COL9A1: variants seen among roughly 807,000 people sequenced by gnomAD.
The protein encoded by COL9A1 is collagen alpha-1(IX) chain.
Under a neutral mutation model 142.6 loss-of-function variants are expected in COL9A1, and 104 were observed. The ratio of observed to expected loss-of-function variants is 0.73; its 90% CI spans 0.62 to 0.86. COL9A1 has a LOEUF of 0.86. Ranked by LOEUF, COL9A1 falls within the 40% of genes least tolerant of loss-of-function variation. The probability of loss-of-function intolerance (pLI) is 0.00; values close to 1 mark genes in which losing one functional copy is unlikely to be tolerated. For missense variants in COL9A1, 1,210 were observed against 1,176.6 expected, an observed-to-expected ratio of 1.03 and a Z score of -0.42; for synonymous variants, 466 against 396.0, an observed-to-expected ratio of 1.18 and a Z score of -2.10.
rs369705944 is a variant in COL9A1, at chr6:70,250,740, C to T, written c.1872+1380G>A. Among the ~76,000 whole-genome samples, 6 of 152,250 alleles carry T rather than the reference C, an allele frequency of 3.9e-5. No homozygotes were observed. The South Asian group carries it at 1.0e-3, about 26-fold the overall frequency. ...TCACTTGGAGTTCTTTTGGCTATTC[C>T]GCAGCCTTTGAAAATAAGAACTGAA... On this transcript the variant is annotated intron_variant, in intron 28 of 37. Transcript: ENST00000357250.
At position 70,251,439 on chromosome 6, in the gene COL9A1, C is replaced by T. The variant is rs59085329; in HGVS notation, c.1872+681G>A. Among the ~76,000 whole-genome samples the T allele has an allele frequency of 7.8e-3, 1,191 of 152,160 alleles. 53 individuals carry two copies. The highest frequency in any genetic ancestry group is 0.066 in the Admixed American group (1,004 of 15,282). ...ATGCACCCCTTCAGTCCCAGCCACT[C>T]GGGAGGCTTAGGCAGGAGGACTGCA... On this transcript the variant is annotated intron_variant, in intron 28 of 37. Coordinates refer to ENST00000357250, the MANE Select transcript of COL9A1 (RefSeq NM_001851.6).
intron 4 of COL9A1, 37 bp downstream of exon 4, chr6:70,300,006 G>A (rs992397172): frequency 1.3e-6 from 2 of 1,588,544 alleles, no homozygotes; most frequent in South Asian, 2.2e-5. Flanking sequence ...ATGCATTTGA[G>A]TCAGATAATT....
intron 26 of COL9A1, among the ~76,000 whole-genome samples, chr6:70,252,933 C>T (rs1468173947): frequency 2.0e-5 from 3 of 151,984 alleles, no homozygotes; most frequent in African/African-American, 7.3e-5. Context: ...ATATTTTATC[C>T]CTTAACATTT....
At chr6:70,274,577 A>C in intron 11 of COL9A1, 142 bp downstream of exon 11, 1 of 725,806 alleles carries the variant, frequency 1.4e-6, no homozygotes, top group Non-Finnish European at 2.5e-6. Context: ...ATTCCACATC[A>C]TGGTGTTTTT....
At chr6:70,253,233 G>C (rs771914108) in intron 26 of COL9A1, 152 bp downstream of exon 26, 4 of 563,722 alleles carry the variant, frequency 7.1e-6, no homozygotes, top group Non-Finnish European at 9.6e-6. Flanking sequence ...AAAAAGATTA[G>C]TATTTGAAGC....
At chr6:70,229,242 C>T (rs893038545) in intron 36 of COL9A1, among the ~76,000 whole-genome samples, 37 of 152,184 alleles carry the variant, frequency 2.4e-4, no homozygotes, top group African/African-American at 8.7e-4. Flanking sequence ...TTGGTTCTAT[C>T]GACAAGGTTA....
rs1771200063 is a variant in COL9A1 at position 70,255,191 on chromosome 6, C to A, written c.1570G>T (p.Ala524Ser). The A allele has an allele frequency of 1.9e-6, 3 of 1,614,204 alleles. No individual in the cohort carries two copies. Among genetic ancestry groups the A allele is most frequent in the Non-Finnish European group, 2.5e-6 (3 of 1,180,030 alleles). Residue 524 changes from alanine to serine, a missense_variant, in exon 23 of 38, where the codon GCT (alanine) becomes TCT (serine). Transcript: ENST00000357250. ...CCAGGGAGACCAGGAATTCCTCTAG[C>A]ACCTTCAGCCCCCTGCAGGGAGGAA... Reference protein sequence around the residue: ...GPKGDRGAEGARGIPGLPGPK... With the variant: ...GPKGDRGAEGSRGIPGLPGPK...
intron 35 of COL9A1, 71 bp from the exon 36 acceptor site, chr6:70,232,842 A>C: frequency 6.9e-7 from 1 of 1,451,316 alleles, no homozygotes; most frequent in Non-Finnish European, 9.5e-7. Context: ...AAAGAGAGGT[A>C]TTCCAAATGC....
At position 70,263,361 on chromosome 6, in the gene COL9A1, T is replaced by C. The variant is rs1026502578; in HGVS notation, c.1342-64A>G. The C allele has an allele frequency of 2.8e-6, 4 of 1,438,514 alleles. No homozygotes were observed. In the African/African-American group the frequency reaches 5.7e-5, roughly 21 times the overall value. 89.1% of individuals were successfully genotyped at this position (1,438,514 alleles called of 1,614,324 possible). ...TTATTCTAGCAAACGAACATAGAAA[T>C]AGGCTTGGTCTAACTCATTATGTTT... On this transcript the variant is annotated intron_variant, in intron 18 of 37. Transcript: ENST00000357250.
chr6:70,220,134 A>T (rs1768775166), intron 37 of COL9A1, among the ~76,000 whole-genome samples: 1 of 147,292 alleles, frequency 6.8e-6, no homozygotes, highest in Non-Finnish European at 1.5e-5. Context: ...GGAGCTTTTG[A>T]TGATGTCATC....
At chr6:70,289,394 T>G (rs554156736) in intron 5 of COL9A1, among the ~76,000 whole-genome samples, 1 of 152,310 alleles carries the variant, frequency 6.6e-6, no homozygotes, top group South Asian at 2.1e-4. Flanking sequence ...TTATTCAGTT[T>G]TTATTCTAGC....
rs757452302 is a variant in COL9A1 at position 70,271,670 on chromosome 6, G to A, written c.1128C>T (p.Gly376=). ...PGTAGLPGEL[G]RVGPVGDPGR... ...TGGTACTCACAACAGGTCCTACACGGCCAAGCTCTCCAGGGAGTCCTGCTG... is the reference window on the plus strand; with the variant it reads ...TGGTACTCACAACAGGTCCTACACGACCAAGCTCTCCAGGGAGTCCTGCTG... The change falls in exon 14 of 38, where the codon GGC becomes GGT. Residue 376 remains glycine, a synonymous_variant. Transcript: ENST00000357250. The A allele has an allele frequency of 6.8e-6, 11 of 1,613,724 alleles. No homozygotes were observed. In the South Asian group the frequency reaches 1.1e-4, roughly 16 times the overall value.
At chr6:70,301,931 C>A (rs971477024) in intron 2 of COL9A1, 70 bp downstream of exon 2, 7 of 1,299,972 alleles carry the variant, frequency 5.4e-6, no homozygotes, top group Non-Finnish European at 7.7e-6. Context: ...AGTCTTCAGT[C>A]AGCCACAGCC....
intron 28 of COL9A1, among the ~76,000 whole-genome samples, chr6:70,251,633 T>A (rs117835644): frequency 0.054 from 8,281 of 152,268 alleles, 323 homozygotes; most frequent in Non-Finnish European, 0.084. Flanking sequence ...AATTGGCAAA[T>A]CTATAGAGAC....
intron 4 of COL9A1, among the ~76,000 whole-genome samples, chr6:70,298,290 C>T (rs1454355677): frequency 1.3e-5 from 2 of 152,340 alleles, no homozygotes; most frequent in Admixed American, 6.5e-5. Flanking sequence ...CTCTACATAG[C>T]AACCTCATGA....
chr6:70,272,047 T>C lies in COL9A1; in HGVS notation c.1089+18A>G. ...TTTTTATAGACTGCATAAAAATAAA[T>C]GATGAAGTGATACTTACAGGGGGTC... is the stretch of plus-strand genomic sequence containing the variant. On this transcript the variant is annotated intron_variant, in intron 13 of 37. Transcript: ENST00000357250. 6 of 1,609,360 alleles carry C rather than the reference T, an allele frequency of 3.7e-6. No homozygotes were observed. Among genetic ancestry groups the C allele is most frequent in the Non-Finnish European group, 5.1e-6 (6 of 1,176,138 alleles).
At chr6:70,295,454 T>C (rs773165534) in intron 4 of COL9A1, among the ~76,000 whole-genome samples, 1 of 151,526 alleles carries the variant, frequency 6.6e-6, no homozygotes, top group Non-Finnish European at 1.5e-5. Flanking sequence ...GCCTGGCTAA[T>C]TTTTTGTATT....
chr6:70,220,694 A>C (rs933875507), intron 37 of COL9A1, among the ~76,000 whole-genome samples: 1 of 152,210 alleles, frequency 6.6e-6, no homozygotes, highest in African/African-American at 2.4e-5. Flanking sequence ...CACAGTCCAC[A>C]TCACTCAAAA....
intron 28 of COL9A1, among the ~76,000 whole-genome samples, chr6:70,250,698 G>A (rs917812080): frequency 1.3e-5 from 2 of 152,208 alleles, no homozygotes; most frequent in Non-Finnish European, 2.9e-5. Context: ...ATGATATTTG[G>A]AAATGTTTCT....
Sources: allele counts gnomAD v4.1 joint callset (sites outside exome capture counted in the v4.1 genomes callset), GRCh38; gene constraint gnomAD v4.1.1; transcripts MANE v1.5; gene names NCBI Gene and HGNC (gene_info 2026-07-23, HGNC 2026-07-21).